NCKAP5: variants seen among roughly 807,000 people sequenced by gnomAD.
The protein encoded by NCKAP5 is nck-associated protein 5.
NCKAP5 carries 92 observed loss-of-function variants against 167.0 expected under a neutral mutation model. That is an observed-to-expected ratio of 0.55 (90% CI 0.47 to 0.66). The LOEUF (loss-of-function observed/expected upper bound fraction) is 0.66. Among genes scored for constraint, NCKAP5 ranks in the 30% least tolerant of loss-of-function variants. The pLI, the probability that NCKAP5 is intolerant of heterozygous loss-of-function variation, is 0.00. For synonymous variants in NCKAP5, 891 were observed against 877.4 expected (o/e 1.02, Z -0.27); for missense variants, 2,378 against 2,315.0 (o/e 1.03, Z -0.56).
chr2:132,686,909 T>C (rs1017177606), intron 19 of NCKAP5, among the ~76,000 whole-genome samples: 8 of 152,230 alleles, frequency 5.3e-5, no homozygotes, highest in Admixed American at 3.3e-4. Flanking sequence ...TCTACTGTTG[T>C]AAACCAAGGT....
intron 4 of NCKAP5, among the ~76,000 whole-genome samples, chr2:133,274,511 C>A (rs1335099718): frequency 1.3e-5 from 2 of 151,864 alleles, no homozygotes; most frequent in Non-Finnish European, 2.9e-5. Context: ...ACCAGCGAGT[C>A]CTAAATTTAT....
chr2:133,054,142 C>G (rs570603122), intron 6 of NCKAP5, among the ~76,000 whole-genome samples: 5 of 152,054 alleles, frequency 3.3e-5, no homozygotes, highest in Non-Finnish European at 7.4e-5. Flanking sequence ...AAAAAGCAGG[C>G]GATATCTAAT....
At chr2:133,068,312 C>G (rs2080269586) in intron 6 of NCKAP5, among the ~76,000 whole-genome samples, 2 of 152,220 alleles carry the variant, frequency 1.3e-5, no homozygotes, top group African/African-American at 4.8e-5. Context: ...TCCCAGCTTC[C>G]CCTCAGAGCA....
At chr2:133,413,000 T>C (rs1261201212) in intron 3 of NCKAP5, among the ~76,000 whole-genome samples, 2 of 152,138 alleles carry the variant, frequency 1.3e-5, no homozygotes, top group Non-Finnish European at 2.9e-5. Context: ...AAAGCAAATA[T>C]GAGAGTCCTG....
intron 2 of NCKAP5, among the ~76,000 whole-genome samples, chr2:133,534,006 C>A (rs1254805883): frequency 3.3e-5 from 5 of 152,064 alleles, no homozygotes; most frequent in African/African-American, 1.2e-4. Flanking sequence ...ATATTTTGAC[C>A]TGGATTGGAT....
intron 2 of NCKAP5, among the ~76,000 whole-genome samples, chr2:133,530,653 A>C (rs888466651): frequency 2.0e-5 from 3 of 152,162 alleles, no homozygotes; most frequent in Non-Finnish European, 4.4e-5. Flanking sequence ...CTTCTAGCTT[A>C]AGGATGGTGC....
chr2:133,460,262 TCA>T (rs1222916738), intron 3 of NCKAP5, among the ~76,000 whole-genome samples: 1 of 152,196 alleles, frequency 6.6e-6, no homozygotes, highest in Non-Finnish European at 1.5e-5. Flanking sequence ...CTGAGCTGAA[TCA>T]CATAGAGGGC....
chr2:132,904,330 TTAAA>T (rs929700519), intron 8 of NCKAP5, among the ~76,000 whole-genome samples: 3 of 148,538 alleles, frequency 2.0e-5, no homozygotes, highest in African/African-American at 4.9e-5. Flanking sequence ...ATAAAAATAA[TTAAA>T]TAAAAATAAA....
At chr2:132,950,035 A>C (rs2076138056) in intron 8 of NCKAP5, among the ~76,000 whole-genome samples, 1 of 152,214 alleles carries the variant, frequency 6.6e-6, no homozygotes, top group Admixed American at 6.5e-5. Context: ...TGGAGGTTGC[A>C]GTGAGCCGAG....
intron 6 of NCKAP5, among the ~76,000 whole-genome samples, chr2:132,999,929 C>G (rs1316885356): frequency 6.6e-6 from 1 of 152,208 alleles, no homozygotes; most frequent in Non-Finnish European, 1.5e-5. Context: ...TTCTCCCCAA[C>G]TCACACTGAT....
At chr2:133,155,505 T>C (rs2083542844) in intron 5 of NCKAP5, among the ~76,000 whole-genome samples, 1 of 152,212 alleles carries the variant, frequency 6.6e-6, no homozygotes, top group African/African-American at 2.4e-5. Context: ...ACCAAAAGTC[T>C]GTGCTCTTCT....
chr2:133,196,008 T>C (rs997448464), intron 5 of NCKAP5, among the ~76,000 whole-genome samples: 42 of 152,158 alleles, frequency 2.8e-4, no homozygotes, highest in Admixed American at 3.3e-4. Flanking sequence ...AGGAGACCCA[T>C]GGCTTCCTTC....
intron 4 of NCKAP5, among the ~76,000 whole-genome samples, chr2:133,226,034 C>T (rs1350598889): frequency 6.6e-6 from 1 of 151,844 alleles, no homozygotes; most frequent in Non-Finnish European, 1.5e-5. Context: ...CACAAGCCTC[C>T]AAAAGTGCCC....
chr2:133,425,999 C>T (rs995561272), intron 3 of NCKAP5, among the ~76,000 whole-genome samples: 16 of 152,268 alleles, frequency 1.1e-4, no homozygotes, highest in East Asian at 7.7e-4. Flanking sequence ...AGGCCAGGCA[C>T]GGTGGCTCAT....
chr2:133,259,143 G>A (rs1250086848), intron 4 of NCKAP5, among the ~76,000 whole-genome samples: 3 of 152,008 alleles, frequency 2.0e-5, no homozygotes, highest in African/African-American at 7.2e-5. Context: ...TCATGTCTAA[G>A]TCCCACTGGG....
At chr2:132,996,487 C>A (rs912374957) in intron 6 of NCKAP5, among the ~76,000 whole-genome samples, 2 of 152,112 alleles carry the variant, frequency 1.3e-5, no homozygotes, top group Non-Finnish European at 2.9e-5. Flanking sequence ...TATATTTCAA[C>A]CCTCTTTTCA....
chr2:132,681,558 G>A (rs904382862), intron 19 of NCKAP5, among the ~76,000 whole-genome samples: 1 of 151,762 alleles, frequency 6.6e-6, no homozygotes, highest in African/African-American at 2.4e-5. Context: ...ATTTTTTACT[G>A]TTTGTAAAAG....
chr2:133,646,302 T>C, the NCKAP5 span, among the ~76,000 whole-genome samples: 6 of 152,070 alleles, frequency 3.9e-5, no homozygotes, highest in Non-Finnish European at 8.8e-5. Context: ...TAAGATCAAA[T>C]TGTCAAAAGT....
At chr2:133,254,663 A>T (rs1194240965) in intron 4 of NCKAP5, among the ~76,000 whole-genome samples, 1 of 152,126 alleles carries the variant, frequency 6.6e-6, no homozygotes, top group African/African-American at 2.4e-5. Context: ...CTTCACTATA[A>T]TAATTTGAGA....
Sources: allele counts gnomAD v4.1 joint callset (sites outside exome capture counted in the v4.1 genomes callset), GRCh38; gene constraint gnomAD v4.1.1; transcripts MANE v1.5; gene names NCBI Gene and HGNC (gene_info 2026-07-23, HGNC 2026-07-21).